ZNF609: variants seen among roughly 807,000 people sequenced by gnomAD.
The protein encoded by ZNF609 is zinc finger protein 609.
In ZNF609, 11 loss-of-function variants were observed where a neutral mutation model predicts 109.5. The observed-to-expected ratio is 0.10, with a 90% CI of 0.06 to 0.17. The LOEUF (loss-of-function observed/expected upper bound fraction) is 0.17. Ranked by LOEUF, ZNF609 falls within the 10% of genes least tolerant of loss-of-function variation. The pLI is 1.00. For missense variants in ZNF609, 1,559 were observed against 1,772.4 expected (o/e 0.88, Z 2.16); for synonymous variants, 646 against 662.0 (o/e 0.98, Z 0.37).
chr15:64,474,350 A>T (rs1445564336), intron 1 of ZNF609, among the ~76,000 whole-genome samples: 3 of 151,456 alleles, frequency 2.0e-5, no homozygotes, highest in Non-Finnish European at 2.9e-5. Flanking sequence ...AGTAGCTGGG[A>T]TTACAGGCGT....
At chr15:64,491,457 C>A (rs1389339216) in intron 1 of ZNF609, among the ~76,000 whole-genome samples, 1 of 152,162 alleles carries the variant, frequency 6.6e-6, no homozygotes, top group Non-Finnish European at 1.5e-5. Context: ...ATCCTGTAAA[C>A]CTCACACAGT....
intron 2 of ZNF609, among the ~76,000 whole-genome samples, chr15:64,605,757 G>A (rs1447473760): frequency 5.6e-5 from 8 of 143,482 alleles, no homozygotes; most frequent in Non-Finnish European, 1.1e-4. Context: ...TTTTTGAGAC[G>A]GAGTCTCGCT....
intron 1 of ZNF609, among the ~76,000 whole-genome samples, chr15:64,472,401 C>CTG (rs1265326153): frequency 6.6e-6 from 1 of 152,178 alleles, no homozygotes; most frequent in Non-Finnish European, 1.5e-5. Flanking sequence ...GTTTCTTAGA[C>CTG]TGTAGTTCAG....
chr15:64,632,206 C>T (rs1004664484), intron 3 of ZNF609, among the ~76,000 whole-genome samples: 1 of 151,964 alleles, frequency 6.6e-6, no homozygotes, highest in South Asian at 2.1e-4. Context: ...GAGCATGTCA[C>T]CATGCCTGGG....
At chr15:64,571,975 C>G (rs893087731) in intron 2 of ZNF609, among the ~76,000 whole-genome samples, 3 of 152,058 alleles carry the variant, frequency 2.0e-5, no homozygotes, top group Non-Finnish European at 4.4e-5. Flanking sequence ...GTTAGGACTG[C>G]CTAGGGATAT....
intron 3 of ZNF609, among the ~76,000 whole-genome samples, chr15:64,635,615 G>A (rs964746162): frequency 1.3e-5 from 2 of 152,222 alleles, no homozygotes; most frequent in African/African-American, 4.8e-5. Context: ...GCTGGAAGAT[G>A]TTGAGCCCTC....
chr15:64,489,990 G>A (rs150897531), intron 1 of ZNF609, among the ~76,000 whole-genome samples: 2 of 151,958 alleles, frequency 1.3e-5, no homozygotes, highest in Non-Finnish European at 2.9e-5. Flanking sequence ...ACAGCACCTC[G>A]CTCTGTCACC....
intron 2 of ZNF609, among the ~76,000 whole-genome samples, chr15:64,615,907 T>C (rs1018794884): frequency 2.6e-5 from 4 of 152,256 alleles, no homozygotes; most frequent in African/African-American, 9.6e-5. Context: ...TTAGAACTAC[T>C]GCTGTTATCA....
intron 2 of ZNF609, among the ~76,000 whole-genome samples, chr15:64,555,753 G>A (rs1894571264): frequency 6.6e-6 from 1 of 151,750 alleles, no homozygotes; most frequent in Non-Finnish European, 1.5e-5. Context: ...ATGGTGGTGT[G>A]TGCCTGTAAT....
At chr15:64,548,322 G>A (rs1894402067) in intron 2 of ZNF609, among the ~76,000 whole-genome samples, 1 of 152,162 alleles carries the variant, frequency 6.6e-6, no homozygotes, top group African/African-American at 2.4e-5. Flanking sequence ...TAAAAAAGGT[G>A]CCACTTTTGA....
chr15:64,600,587 G>A (rs1411534827), intron 2 of ZNF609, among the ~76,000 whole-genome samples: 1 of 143,792 alleles, frequency 7.0e-6, no homozygotes, highest in Non-Finnish European at 1.5e-5. Context: ...AGTGAGCCAA[G>A]ATTGTGCCAC....
intron 2 of ZNF609, among the ~76,000 whole-genome samples, chr15:64,585,086 A>G (rs1895174386): frequency 6.6e-6 from 1 of 151,286 alleles, no homozygotes; most frequent in East Asian, 2.0e-4. Context: ...GCACTTTGGG[A>G]GGCCAAGGCG....
rs550235542 is a variant in ZNF609 at position 64,490,296 on chromosome 15, G to A, written c.-127-8997G>A. Among the ~76,000 whole-genome samples the A allele has an allele frequency of 6.9e-4, 98 of 142,800 alleles. 1 individual carries two copies. The highest frequency in any genetic ancestry group is 1.4e-3 in the Non-Finnish European group (92 of 66,370). 93.7% of individuals were successfully genotyped at this position (142,800 alleles called of 152,430 possible). A position where few individuals can be genotyped will look rare whatever the true frequency, so the allele number is the denominator to read the frequency against. ...TGTTTTTTTTTTTTTTTTTCGAGAC[G>A]GAGTTTTGCTCCCGTTGCCCAGGCT... On this transcript the variant is annotated intron_variant, in intron 1 of 9. Coordinates refer to ENST00000326648, the MANE Select transcript of ZNF609 (RefSeq NM_015042.2).
At chr15:64,557,927 G>T (rs1015144809) in intron 2 of ZNF609, among the ~76,000 whole-genome samples, 4 of 152,000 alleles carry the variant, frequency 2.6e-5, no homozygotes, top group African/African-American at 9.7e-5. Flanking sequence ...CTCGTGATCC[G>T]CCCGCCTCGG....
chr15:64,530,286 A>G lies in ZNF609; in HGVS notation c.747+30120A>G, dbSNP rs147538835. Among the ~76,000 whole-genome samples the G allele has an allele frequency of 1.4e-3, 219 of 152,328 alleles. 1 individual carries two copies. Among genetic ancestry groups the G allele is most frequent in the Non-Finnish European group, 2.5e-3 (170 of 68,024 alleles). ...TTGCCTCTCAAAGTGCTGGGATTACAGGCATGAGCCACCGTGCTGGGCCTG... is the reference window on the plus strand; with the variant it reads ...TTGCCTCTCAAAGTGCTGGGATTACGGGCATGAGCCACCGTGCTGGGCCTG... On this transcript the variant is annotated intron_variant, in intron 2 of 9. Coordinates refer to ENST00000326648, the MANE Select transcript of ZNF609 (RefSeq NM_015042.2).
At chr15:64,595,037 C>T (rs1895367910) in intron 2 of ZNF609, among the ~76,000 whole-genome samples, 1 of 146,420 alleles carries the variant, frequency 6.8e-6, no homozygotes, top group Non-Finnish European at 1.5e-5. Flanking sequence ...AAGAATGTGT[C>T]TCTTTCTACT....
intron 1 of ZNF609, among the ~76,000 whole-genome samples, chr15:64,478,735 T>C (rs1893207573): frequency 6.6e-6 from 1 of 152,154 alleles, no homozygotes; most frequent in Non-Finnish European, 1.5e-5. Flanking sequence ...CTATTACTTT[T>C]AAGCAGACAG....
At chr15:64,461,236 G>A (rs1892936145) in intron 1 of ZNF609, among the ~76,000 whole-genome samples, 1 of 116,372 alleles carries the variant, frequency 8.6e-6, no homozygotes, top group Admixed American at 8.4e-5. Flanking sequence ...GGCGGGGGCG[G>A]TGGTGGTTGT....
chr15:64,470,925 C>T (rs1428912246), intron 1 of ZNF609, among the ~76,000 whole-genome samples: 2 of 152,160 alleles, frequency 1.3e-5, no homozygotes, highest in Non-Finnish European at 2.9e-5. Context: ...TCTGGGACTT[C>T]GAGTAGCAGC....
Sources: gnomAD v4.1 joint callset for allele counts (sites outside exome capture counted in the v4.1 genomes callset) on GRCh38, gnomAD v4.1.1 for gene constraint, MANE v1.5 for transcripts, NCBI Gene and HGNC (gene_info 2026-07-23, HGNC 2026-07-21) for gene names.